The following SSBP3 variants were observed in gnomAD, a reference collection of about 807,000 sequenced individuals.
SSBP3 encodes the protein single stranded DNA binding protein 3, also known as single-stranded DNA-binding protein 3.
SSBP3 carries 5 observed loss-of-function variants against 69.6 expected under a neutral mutation model. The observed-to-expected ratio is 0.07, with a 90% CI of 0.04 to 0.15. SSBP3 has a LOEUF of 0.15. Ranked by LOEUF, SSBP3 falls within the 10% of genes least tolerant of loss-of-function variation. SSBP3 has a pLI of 1.00. For synonymous variants in SSBP3, 196 were observed against 193.4 expected (o/e 1.01, Z -0.11); for missense variants, 312 against 534.0 (o/e 0.58, Z 4.10).
intron 4 of SSBP3, among the ~76,000 whole-genome samples, chr1:54,311,656 G>A (rs1646004801): frequency 6.6e-6 from 1 of 152,082 alleles, no homozygotes. Flanking sequence ...TCGGAGGGGC[G>A]GCAGACTCAG....
At chr1:54,332,918 GCA>G (rs748066085) in intron 4 of SSBP3, among the ~76,000 whole-genome samples, 515 of 152,208 alleles carry the variant, frequency 3.4e-3, no homozygotes, top group Non-Finnish European at 3.2e-3. Context: ...AAACATGCAC[GCA>G]CACACACGCG....
chr1:54,290,968 G>T (rs1645594997), intron 4 of SSBP3, among the ~76,000 whole-genome samples: 1 of 152,078 alleles, frequency 6.6e-6, no homozygotes, highest in South Asian at 2.1e-4. Context: ...TGTCTTAAAG[G>T]AGCTACTTAC....
At chr1:54,404,179 G>A (rs1041793841) in intron 3 of SSBP3, among the ~76,000 whole-genome samples, 2 of 151,712 alleles carry the variant, frequency 1.3e-5, no homozygotes, top group African/African-American at 2.4e-5. Context: ...AGGAGAAAAA[G>A]GAAGGGACAG....
At chr1:54,255,022 A>G (rs979733228) in intron 7 of SSBP3, among the ~76,000 whole-genome samples, 1 of 151,998 alleles carries the variant, frequency 6.6e-6, no homozygotes, top group Non-Finnish European at 1.5e-5. Context: ...TAGTAGAGAC[A>G]GGGTTTCACC....
chr1:54,367,201 G>A (rs988396951), intron 4 of SSBP3, among the ~76,000 whole-genome samples: 1 of 152,112 alleles, frequency 6.6e-6, no homozygotes, highest in Non-Finnish European at 1.5e-5. Flanking sequence ...ATCTACTTGG[G>A]CAAAAGATAG....
At chr1:54,328,302 A>G (rs935078502) in intron 4 of SSBP3, among the ~76,000 whole-genome samples, 2 of 152,212 alleles carry the variant, frequency 1.3e-5, no homozygotes, top group African/African-American at 4.8e-5. Context: ...TGCTGAAATC[A>G]GGACTGCTGA....
At chr1:54,233,742 T>C (rs1357220243) in intron 14 of SSBP3, among the ~76,000 whole-genome samples, 162 of 123,598 alleles carry the variant, frequency 1.3e-3, no homozygotes, top group Non-Finnish European at 2.4e-3. Flanking sequence ...CCCAGCCAGC[T>C]GCCCCGTCCG....
intron 1 of SSBP3, chr1:54,405,523 C>T (rs1442563676): frequency 2.6e-5 from 4 of 153,334 alleles, no homozygotes; most frequent in African/African-American, 9.6e-5. Context: ...CTCCTCACGC[C>T]GCGGGCGGAC....
At chr1:54,358,493 G>C (rs1209744509) in intron 4 of SSBP3, among the ~76,000 whole-genome samples, 1 of 152,184 alleles carries the variant, frequency 6.6e-6, no homozygotes, top group Non-Finnish European at 1.5e-5. Flanking sequence ...CTAAACTACA[G>C]ACCATTTCTC....
chr1:54,318,351 A>T (rs1465821113), intron 4 of SSBP3, among the ~76,000 whole-genome samples: 2 of 152,158 alleles, frequency 1.3e-5, no homozygotes, highest in African/African-American at 4.8e-5. Context: ...CCGTTCCCTA[A>T]CAGCAGCAGT....
In SSBP3 at chr1:54,322,729, C is replaced by CGGG. The variant is rs557501456; in HGVS notation, c.277-41203_277-41202insCCC. Reference sequence around the variant, plus strand: ...ACAACTCACCTGTCTCCCTACCCCCCAACCCCGGCACCTCAACCAACCAAC... The same window carrying CGGG: ...ACAACTCACCTGTCTCCCTACCCCCCGGGAACCCCGGCACCTCAACCAACCAAC... On this transcript the variant is annotated intron_variant, in intron 4 of 17. Coordinates refer to ENST00000610401, the Ensembl canonical transcript of SSBP3. 1.7e-4 allele frequency among the ~76,000 whole-genome samples: 26 copies of CGGG among 152,204 alleles called. No individual in the cohort carries two copies. In the South Asian group the frequency reaches 5.2e-3, roughly 30 times the overall value.
rs1424019819 is a variant in SSBP3 at position 54,350,108 on chromosome 1, G to A, written c.276+51753C>T. On this transcript the variant is annotated intron_variant, in intron 4 of 17. Transcript: ENST00000610401. The stretch of plus-strand genomic sequence containing the variant: ...AAACCCACCAAGATATATTAAGTAG[G>A]AGCATCCACGTGAAAAGGCATCTCA... Among the ~76,000 whole-genome samples, 4 of 152,274 alleles carry A rather than the reference G, an allele frequency of 2.6e-5. No individual in the cohort carries two copies. In the South Asian group the frequency reaches 6.2e-4, roughly 24 times the overall value.
intron 4 of SSBP3, among the ~76,000 whole-genome samples, chr1:54,315,702 C>T (rs974822100): frequency 1.3e-5 from 2 of 152,072 alleles, no homozygotes; most frequent in African/African-American, 4.8e-5. Context: ...TGCTCTGTCA[C>T]CCAGGCTGGG....
chr1:54,291,496 G>T (rs546916214), intron 4 of SSBP3, among the ~76,000 whole-genome samples: 12 of 152,334 alleles, frequency 7.9e-5, no homozygotes, highest in African/African-American at 2.6e-4. Flanking sequence ...TGCCACACGG[G>T]TTCGGCGCTG....
At chr1:54,339,570 A>C (rs1466840210) in intron 4 of SSBP3, among the ~76,000 whole-genome samples, 1 of 150,354 alleles carries the variant, frequency 6.7e-6, no homozygotes, top group Non-Finnish European at 1.5e-5. Context: ...GTAACCACTA[A>C]AAAAAAAAAC....
At chr1:54,282,446 G>T (rs1268008899) in intron 4 of SSBP3, among the ~76,000 whole-genome samples, 1 of 152,248 alleles carries the variant, frequency 6.6e-6, no homozygotes, top group Non-Finnish European at 1.5e-5. Context: ...GCCTCGCGAA[G>T]TGGGGGGACC....
chr1:54,362,670 A>G (rs1275271201), intron 4 of SSBP3, among the ~76,000 whole-genome samples: 6 of 152,204 alleles, frequency 3.9e-5, no homozygotes. Flanking sequence ...AAGCATCTGA[A>G]AATAGCAGGC....
rs75395493 is a variant in SSBP3 at position 54,258,040 on chromosome 1, G to A, written c.447+29C>T. The A allele has an allele frequency of 2.2e-3, 3,395 of 1,562,856 alleles. 61 individuals carry two copies. In the African/African-American group the frequency reaches 0.039, roughly 18 times the overall value. ...TGCTTCCTCCGCGCCCCGCGTCCCC[G>A]GCGGGCGGGAGCGCCACGGTGCGTT... On this transcript the variant is annotated intron_variant, in intron 6 of 17. Transcript: ENST00000610401. The surrounding 1 kb of genome is among the most constrained non-coding windows in gnomAD (Gnocchi z 4.5).
chr1:54,395,472 G>T (rs140535209), intron 4 of SSBP3, among the ~76,000 whole-genome samples: 1 of 152,214 alleles, frequency 6.6e-6, no homozygotes, highest in African/African-American at 2.4e-5. Flanking sequence ...CAGATAAGGT[G>T]CACAGACATC....
Sources: gnomAD v4.1 joint callset for allele counts (sites outside exome capture counted in the v4.1 genomes callset) on GRCh38, gnomAD v4.1.1 for gene constraint, Gnocchi (gnomAD v3.1) non-coding constraint, MANE v1.5 for transcripts, NCBI Gene and HGNC (gene_info 2026-07-23, HGNC 2026-07-21) for gene names.